The following FBLN2 variants were observed in gnomAD, a reference collection of about 807,000 sequenced individuals.
FBLN2 encodes the protein fibulin-2.
FBLN2 carries 81 observed loss-of-function variants against 123.7 expected under a neutral mutation model. That is an observed-to-expected ratio of 0.65 (90% confidence interval 0.55 to 0.79). The LOEUF (loss-of-function observed/expected upper bound fraction) is 0.79. FBLN2 is among the 30% of genes least tolerant of loss of function. The probability of loss-of-function intolerance (pLI) is 0.00; values close to 1 mark genes in which losing one functional copy is unlikely to be tolerated. For synonymous variants in FBLN2, 699 were observed against 701.4 expected (o/e 1.00, Z 0.05); for missense variants, 1,603 against 1,681.3 (o/e 0.95, Z 0.81).
intron 2 of FBLN2, among the ~76,000 whole-genome samples, chr3:13,605,792 G>A (rs768540148): frequency 5.3e-5 from 8 of 152,142 alleles, no homozygotes; most frequent in Non-Finnish European, 8.8e-5. Flanking sequence ...CCAGCTGGCC[G>A]CAGTCTCCTC....
Position 13,636,426 on chromosome 3 carries a change from T to G in FBLN2, c.3215-19T>G, listed in dbSNP as rs749871200. 1 of 1,612,708 alleles carries G rather than the reference T, an allele frequency of 6.2e-7. No homozygotes were observed. The highest frequency in any genetic ancestry group is 8.5e-7 in the Non-Finnish European group (1 of 1,179,242). ...CCCCCAGCTGTGGGGACCCTGCCAT[T>G]GCCCCTCTTCTCCCCCAGACGTGGA... On this transcript the variant is annotated intron_variant, in intron 16 of 17. Transcript: ENST00000404922.
intron 2 of FBLN2, among the ~76,000 whole-genome samples, chr3:13,588,628 G>A (rs765005277): frequency 3.3e-5 from 5 of 152,216 alleles, no homozygotes; most frequent in Admixed American, 6.5e-5. Context: ...CGGCCAGCAC[G>A]GATCACCCGA....
chr3:13,584,992 C>G (rs1486881219), intron 2 of FBLN2, among the ~76,000 whole-genome samples: 1 of 152,238 alleles, frequency 6.6e-6, no homozygotes, highest in Non-Finnish European at 1.5e-5. Context: ...CCTTCCCCAC[C>G]AAGCTGGCCC....
intron 2 of FBLN2, among the ~76,000 whole-genome samples, chr3:13,586,810 A>G (rs1351708114): frequency 1.3e-5 from 2 of 149,978 alleles, no homozygotes; most frequent in African/African-American, 2.4e-5. Flanking sequence ...CACCCGGCCT[A>G]TGTCTTAGTT....
intron 2 of FBLN2, among the ~76,000 whole-genome samples, chr3:13,579,566 A>G (rs188960429): frequency 2.5e-4 from 38 of 152,352 alleles, no homozygotes; most frequent in African/African-American, 9.1e-4. Flanking sequence ...GTTCTGTTCT[A>G]TGCCTTTTTC....
intron 2 of FBLN2, among the ~76,000 whole-genome samples, chr3:13,606,484 A>G (rs551659921): frequency 2.6e-5 from 4 of 152,300 alleles, no homozygotes; most frequent in African/African-American, 9.6e-5. Flanking sequence ...ATACAGTTGA[A>G]CCTTGAACAA....
chr3:13,604,345 T>A (rs1400990574), intron 2 of FBLN2, among the ~76,000 whole-genome samples: 2 of 152,180 alleles, frequency 1.3e-5, no homozygotes, highest in Non-Finnish European at 2.9e-5. Context: ...TAGGTTTTCT[T>A]CTAGGGTTTT....
chr3:13,561,876 C>A (rs1703619060), intron 1 of FBLN2, among the ~76,000 whole-genome samples: 1 of 152,244 alleles, frequency 6.6e-6, no homozygotes, highest in South Asian at 2.1e-4. Context: ...CAAATCCCCA[C>A]ACCTTTTACT....
At chr3:13,607,284 C>G (rs1481362473) in intron 2 of FBLN2, among the ~76,000 whole-genome samples, 2 of 151,832 alleles carry the variant, frequency 1.3e-5, no homozygotes, top group Non-Finnish European at 2.9e-5. Context: ...CCGCACCCAG[C>G]CTATATTCTG....
intron 1 of FBLN2, among the ~76,000 whole-genome samples, chr3:13,550,485 G>T (rs901269143): frequency 4.6e-5 from 7 of 152,248 alleles, no homozygotes; most frequent in Non-Finnish European, 7.3e-5. Context: ...GAGAAAAAGG[G>T]AAGTCAAACA....
rs184666591 is a variant in FBLN2, at chr3:13,602,398, C to T, written c.1307-5664C>T. On this transcript the variant is annotated intron_variant, in intron 2 of 17. Transcript: ENST00000404922. ...TGTTCTTATTTTTCAGAAATGTTCT[C>T]GGGTATTCTTAAGCATTTCGTTTTT... 3.8e-3 allele frequency among the ~76,000 whole-genome samples: 582 copies of T among 152,238 alleles called. 5 individuals are homozygous for T. Among genetic ancestry groups the T allele is most frequent in the African/African-American group, 0.013 (550 of 41,534 alleles).
rs61016515 is a variant in FBLN2 at position 13,613,873 on chromosome 3, G to A, written c.1549-111G>A. The A allele has an allele frequency of 6.9e-5, 85 of 1,238,130 alleles. No individual in the cohort carries two copies. The African/African-American group carries it at 1.2e-3, about 17-fold the overall frequency. The allele number at this position is 1,238,130 out of a possible 1,614,324, so 76.7% of individuals were successfully genotyped here. A position where few individuals can be genotyped will look rare whatever the true frequency, so the allele number is the denominator to read the frequency against. ...CTGCCCTGGGAGAGCGCATAGTCTGGCAGAGGAGATAAGATAATGGTGAAT... is the reference window on the plus strand; with the variant it reads ...CTGCCCTGGGAGAGCGCATAGTCTGACAGAGGAGATAAGATAATGGTGAAT... On this transcript the variant is annotated intron_variant, in intron 4 of 17. Coordinates refer to ENST00000404922, the MANE Select transcript of FBLN2 (RefSeq NM_001004019.2).
chr3:13,603,249 T>A (rs9758683), intron 2 of FBLN2, among the ~76,000 whole-genome samples: 68,980 of 149,606 alleles, frequency 0.46, 16,456 homozygotes, highest in African/African-American at 0.58. Flanking sequence ...TTTTTTTTTT[T>A]AATTATACTT....
chr3:13,600,017 CAGAGAGAGAGAGAGAGAG>C lies in FBLN2; in HGVS notation c.1307-8034_1307-8017del, dbSNP rs113759892. Among the ~76,000 whole-genome samples the C allele has an allele frequency of 1.8e-3, 251 of 137,388 alleles. 4 individuals carry two copies. Among genetic ancestry groups the C allele is most frequent in the African/African-American group, 7.0e-3 (238 of 34,156 alleles). The allele number at this position is 137,388 out of a possible 152,430, so 90.1% of individuals were successfully genotyped here. A position where few individuals can be genotyped will look rare whatever the true frequency, so the allele number is the denominator to read the frequency against. ...GTGCTCAGGAAGTTAAAAAACACGA[CAGAGAGAGAGAGAGAGAG>C]AGAGAGAGAGCGAGAGAGAGAGAGA... On this transcript the variant is annotated intron_variant, in intron 2 of 17. Coordinates refer to ENST00000404922, the MANE Select transcript of FBLN2 (RefSeq NM_001004019.2).
At chr3:13,610,041 G>T (rs1241264885) in intron 4 of FBLN2, among the ~76,000 whole-genome samples, 1 of 152,212 alleles carries the variant, frequency 6.6e-6, no homozygotes, top group Non-Finnish European at 1.5e-5. Flanking sequence ...GGGATAAGTA[G>T]TGTCAGGGCT....
In FBLN2 at chr3:13,570,427, G is replaced by A; in HGVS notation, c.72G>A (p.Val24=). The A allele has an allele frequency of 6.4e-7, 1 of 1,573,506 alleles. No individual in the cohort carries two copies. The highest frequency in any genetic ancestry group is 1.2e-5 in the South Asian group (1 of 85,834). The change falls in exon 2 of 18, where the codon GTG becomes GTA. Residue 24 remains valine, a synonymous_variant. Coordinates refer to ENST00000404922, the MANE Select transcript of FBLN2 (RefSeq NM_001004019.2). ...TGGCCCTGGCCCTGGGCCCCAGCGT[G>A]GCCGCAGCTGCCCCTCGGCAGGACT... ...LGLALALGPS[V]AAAAPRQDCT...
In FBLN2 at chr3:13,637,744, A is replaced by G; in HGVS notation, c.3521A>G (p.Glu1174Gly). The change falls in exon 18 of 18, where the codon GAG becomes GGG. Residue 1174 changes from glutamate to glycine, a missense_variant. Physicochemically the swap from Glu to Gly is moderately conservative, Grantham distance 98. Coordinates refer to ENST00000404922, the MANE Select transcript of FBLN2 (RefSeq NM_001004019.2). ...IALNIIKGNE[E>G]GYFGTRRLNA... ...CTGAACATCATCAAGGGCAATGAGG[A>G]GGGCTACTTTGGCACGCGCAGGCTC... is the stretch of plus-strand genomic sequence containing the variant. 1 of 1,613,964 alleles carries G rather than the reference A, an allele frequency of 6.2e-7. No homozygotes were observed. Among genetic ancestry groups the G allele is most frequent in the Non-Finnish European group, 8.5e-7 (1 of 1,179,838 alleles).
intron 1 of FBLN2, among the ~76,000 whole-genome samples, chr3:13,567,490 T>C (rs745328352): frequency 2.0e-5 from 3 of 152,206 alleles, no homozygotes; most frequent in Admixed American, 1.3e-4. Flanking sequence ...CCTGAGTTGC[T>C]GGGATTACAG....
chr3:13,552,423 C>T (rs547094903), intron 1 of FBLN2, among the ~76,000 whole-genome samples: 3 of 152,088 alleles, frequency 2.0e-5, no homozygotes, highest in Admixed American at 1.3e-4. Context: ...GACGTAAACA[C>T]CATGCATGGC....
Sources: allele counts gnomAD v4.1 joint callset (sites outside exome capture counted in the v4.1 genomes callset), GRCh38; gene constraint gnomAD v4.1.1; transcripts MANE v1.5; gene names NCBI Gene and HGNC (gene_info 2026-07-23, HGNC 2026-07-21).